Variants in ATP6V1B1 observed in about 807,000 individuals in gnomAD.
ATP6V1B1 encodes ATPase H+ transporting V1 subunit B1, also known as V-type proton ATPase subunit B, kidney isoform.
In ATP6V1B1, 41 loss-of-function variants were observed where a neutral mutation model predicts 62.1. That is an observed-to-expected ratio of 0.66 (90% CI 0.51 to 0.86). ATP6V1B1 has a LOEUF of 0.86. ATP6V1B1 is among the 40% of genes least tolerant of loss of function. ATP6V1B1 has a pLI of 0.00. For missense variants in ATP6V1B1, 651 were observed against 697.5 expected (o/e 0.93, Z 0.75); for synonymous variants, 253 against 273.4 (o/e 0.93, Z 0.74).
Position 70,964,969 on chromosome 2 carries a change from A to AACCGC in ATP6V1B1, c.1391_1395dup (p.Ser466ThrfsTer23). ...CGCTCTGTCCCTAGGCCCCTACGAGAACCGCTCGGTGTTCGAGTCGCTGGA... is the reference window on the plus strand; with the variant it reads ...CGCTCTGTCCCTAGGCCCCTACGAGAACCGCACCGCTCGGTGTTCGAGTCGCTGGA... On this transcript the variant is annotated frameshift_variant, in exon 14 of 14. Coordinates refer to ENST00000234396, the MANE Select transcript of ATP6V1B1 (RefSeq NM_001692.4). LOFTEE classifies it high-confidence loss of function. 6.2e-7 allele frequency: 1 copy of AACCGC among 1,613,958 alleles called. No individual in the cohort carries two copies. Among genetic ancestry groups the AACCGC allele is most frequent in the Non-Finnish European group, 8.5e-7 (1 of 1,180,022 alleles).
intron 2 of ATP6V1B1, among the ~76,000 whole-genome samples, chr2:70,945,855 C>T (rs1024764): frequency 0.15 from 23,380 of 150,876 alleles, 2,122 homozygotes; most frequent in East Asian, 0.48. Flanking sequence ...TACACTTCCC[C>T]CTATTCCCTC....
At chr2:70,948,234 TG>T (rs1680232983) in intron 2 of ATP6V1B1, 1 of 103,334 alleles carries the variant, frequency 9.7e-6, no homozygotes, top group South Asian at 3.3e-4. Context: ...CACATGAAAA[TG>T]ATCACTTTTT....
intron 8 of ATP6V1B1, among the ~76,000 whole-genome samples, 198 bp from the exon 9 acceptor site, chr2:70,962,579 C>T (rs535412105): frequency 1.6e-4 from 25 of 152,260 alleles, no homozygotes; most frequent in African/African-American, 5.1e-4. Context: ...GGACAGTAGG[C>T]GAGGTGTGTG....
intron 7 of ATP6V1B1, among the ~76,000 whole-genome samples, chr2:70,961,279 CG>C (rs1680581303): frequency 6.6e-6 from 1 of 152,162 alleles, no homozygotes; most frequent in Non-Finnish European, 1.5e-5. Flanking sequence ...GCTTCAGGAA[CG>C]GGAGGCCTGG....
At position 70,963,333 on chromosome 2, in the gene ATP6V1B1, T is replaced by C. The variant is rs1553420461; in HGVS notation, c.1060+21T>C. 6.2e-7 allele frequency: 1 copy of C among 1,612,420 alleles called. No homozygotes were observed. The highest frequency in any genetic ancestry group is 2.2e-5 in the East Asian group (1 of 44,878). Reference sequence around the variant, plus strand: ...CGACGGTAGCCTCCTCACAGCCCACTACCCTCCAGAGCTCCCCTGTCCTCC... The same window carrying C: ...CGACGGTAGCCTCCTCACAGCCCACCACCCTCCAGAGCTCCCCTGTCCTCC... On this transcript the variant is annotated intron_variant, in intron 10 of 13. Transcript: ENST00000234396. The surrounding 1 kb of genome is among the most constrained non-coding windows in gnomAD (Gnocchi z 4.3).
intron 2 of ATP6V1B1, among the ~76,000 whole-genome samples, chr2:70,944,965 C>T (rs1201301032): frequency 6.6e-6 from 1 of 152,234 alleles, no homozygotes; most frequent in African/African-American, 2.4e-5. Flanking sequence ...CCGTGCCCAG[C>T]TGCTTACAGG....
At chr2:70,940,335 C>T in intron 1 of ATP6V1B1, 1 of 602,274 alleles carries the variant, frequency 1.7e-6, no homozygotes. Context: ...CCCATCCCCT[C>T]CCACACCCCC....
rs1553419560 is a variant in ATP6V1B1, at chr2:70,959,056, G to A, written c.406G>A (p.Gly136Arg). 3 of 1,614,138 alleles carry A rather than the reference G, an allele frequency of 1.9e-6. No homozygotes were observed. The highest frequency in any genetic ancestry group is 2.5e-6 in the Non-Finnish European group (3 of 1,180,028). Residue 136 changes from glycine to arginine, a missense_variant, in exon 5 of 14, where the codon GGG (glycine) becomes AGG (arginine). Coordinates refer to ENST00000234396, the MANE Select transcript of ATP6V1B1 (RefSeq NM_001692.4). The surrounding 1 kb of genome is among the most constrained non-coding windows in gnomAD (Gnocchi z 4.2). ...FNGSGKPIDKGPVVMAEDFLD... is the reference protein window; with the variant it reads ...FNGSGKPIDKRPVVMAEDFLD... ...TGGCTCCGGCAAGCCCATTGACAAG[G>A]GGCCAGTGGTCATGGCGGAGGACTT...
At chr2:70,958,007 C>T (rs1553419344) in intron 2 of ATP6V1B1, 39 bp from the exon 3 acceptor site, 1 of 1,587,396 alleles carries the variant, frequency 6.3e-7, no homozygotes, top group Non-Finnish European at 8.6e-7. Context: ...ACTTTGCCTC[C>T]AGTCTCACTG....
intron 7 of ATP6V1B1, 55 bp downstream of exon 7, chr2:70,961,077 C>CT: frequency 6.6e-7 from 1 of 1,514,988 alleles, no homozygotes; most frequent in Non-Finnish European, 9.0e-7. Context: ...GGCAGCCTGT[C>CT]TCCCTCAGCC....
intron 2 of ATP6V1B1, chr2:70,944,238 A>G: frequency 7.8e-7 from 1 of 1,288,648 alleles, no homozygotes; most frequent in South Asian, 1.2e-5. Flanking sequence ...TGGTAAGTGA[A>G]GTGGGCCCCA....
At chr2:70,945,386 A>C (rs1220747567) in intron 2 of ATP6V1B1, among the ~76,000 whole-genome samples, 6 of 152,070 alleles carry the variant, frequency 3.9e-5, no homozygotes, top group Non-Finnish European at 8.8e-5. Flanking sequence ...TAAAAATGTA[A>C]CTTTCCCATT....
Position 70,944,730 on chromosome 2 carries a change from G to A in ATP6V1B1, c.174+1017G>A, listed in dbSNP as rs556650845. 4.3e-4 allele frequency among the ~76,000 whole-genome samples: 64 copies of A among 148,796 alleles called. No homozygotes were observed. In the East Asian group the frequency reaches 0.013, roughly 29 times the overall value. On this transcript the variant is annotated intron_variant, in intron 2 of 13. Coordinates refer to ENST00000234396, the MANE Select transcript of ATP6V1B1 (RefSeq NM_001692.4). ...GTCCCCCAGGCTGGAGTGCAGTGGC[G>A]CAATCTCGGCTCACTGCAAGCTCCG...
At chr2:70,940,817 A>C (rs1038997018) in intron 1 of ATP6V1B1, 15 of 985,356 alleles carry the variant, frequency 1.5e-5, no homozygotes, top group Non-Finnish European at 1.8e-5. Flanking sequence ...TGATGTGGGA[A>C]GTATGAGAAG....
chr2:70,958,269 G>A, intron 3 of ATP6V1B1, 64 bp from the exon 4 acceptor site: 4 of 1,601,602 alleles, frequency 2.5e-6, no homozygotes, highest in Non-Finnish European at 3.4e-6. Flanking sequence ...AAAGTGCCCA[G>A]AATGGGTAGC....
Position 70,963,686 on chromosome 2 carries a change from T to G in ATP6V1B1, c.1143+32T>G. Reference sequence around the variant, plus strand: ...CCCTGTCCCTACCCACTTCCTGCTCTCAGCCCAGAGAAACACTGAGGAACA... The same window carrying G: ...CCCTGTCCCTACCCACTTCCTGCTCGCAGCCCAGAGAAACACTGAGGAACA... On this transcript the variant is annotated intron_variant, in intron 11 of 13. Transcript: ENST00000234396. This position sits in a 1 kb window ranked among gnomAD's most constrained non-coding sequence, Gnocchi z 4.3. 6.2e-7 allele frequency: 1 copy of G among 1,601,048 alleles called. No homozygotes were observed. Among genetic ancestry groups the G allele is most frequent in the Admixed American group, 1.7e-5 (1 of 59,976 alleles).
chr2:70,945,773 T>C (rs1680155145), intron 2 of ATP6V1B1, among the ~76,000 whole-genome samples: 2 of 144,038 alleles, frequency 1.4e-5, no homozygotes, highest in South Asian at 2.3e-4. Context: ...TATTGTGGTA[T>C]AGAACACTAG....
intron 6 of ATP6V1B1, 125 bp from the exon 7 acceptor site, chr2:70,960,795 TG>T: frequency 2.9e-6 from 1 of 349,130 alleles, no homozygotes; most frequent in Non-Finnish European, 5.6e-6. Context: ...GACTAGCACC[TG>T]GGGCAGCCCC....
At chr2:70,962,667 G>A in intron 8 of ATP6V1B1, 110 bp from the exon 9 acceptor site, 1 of 1,545,180 alleles carries the variant, frequency 6.5e-7, no homozygotes, top group Non-Finnish European at 8.8e-7. Context: ...CCATTCCTCT[G>A]CCACTATGCA....
Sources: allele counts gnomAD v4.1 joint callset (sites outside exome capture counted in the v4.1 genomes callset), GRCh38; gene constraint gnomAD v4.1.1; non-coding constraint Gnocchi (gnomAD v3.1); transcripts MANE v1.5; gene names NCBI Gene and HGNC (gene_info 2026-07-23, HGNC 2026-07-21).